Variants in ATP10B observed in about 807,000 individuals in gnomAD.
ATP10B encodes the protein phospholipid-transporting ATPase VB.
ATP10B carries 122 observed loss-of-function variants against 141.2 expected under a neutral mutation model. That is an observed-to-expected ratio of 0.86 (90% confidence interval 0.75 to 1.00). The LOEUF (loss-of-function observed/expected upper bound fraction) is 1.00. ATP10B is among the 50% of genes least tolerant of loss of function. The pLI is 0.00. For missense variants in ATP10B, 1,876 were observed against 1,825.3 expected, an observed-to-expected ratio of 1.03 and a Z score of -0.51; for synonymous variants, 685 against 692.0, an observed-to-expected ratio of 0.99 and a Z score of 0.16.
At chr5:160,858,224 C>CA in the ATP10B span, among the ~76,000 whole-genome samples, 1 of 151,778 alleles carries the variant, frequency 6.6e-6, no homozygotes, top group Non-Finnish European at 1.5e-5. Context: ...TATAATGTCT[C>CA]TGTCTCTGGT....
intron 1 of ATP10B, among the ~76,000 whole-genome samples, chr5:160,794,733 A>T (rs944414830): frequency 6.6e-6 from 1 of 152,232 alleles, no homozygotes; most frequent in African/African-American, 2.4e-5. Flanking sequence ...TGCCTTCTCC[A>T]GCCTCTTTGC....
the ATP10B span, among the ~76,000 whole-genome samples, chr5:160,913,670 T>C: frequency 2.0e-5 from 3 of 152,180 alleles, no homozygotes; most frequent in East Asian, 5.8e-4. Flanking sequence ...TGACGGCATT[T>C]AAAGAACCTC....
chr5:160,761,760 T>C (rs1212903711), intron 2 of ATP10B, among the ~76,000 whole-genome samples: 2 of 151,856 alleles, frequency 1.3e-5, no homozygotes, highest in Admixed American at 1.3e-4. Flanking sequence ...AGATAAAGAA[T>C]CCAGAAGGAT....
At chr5:160,591,016 T>A (rs534226859) in intron 23 of ATP10B, 43 bp downstream of exon 23, 83,336 of 1,535,796 alleles carry the variant, frequency 0.054, 3,350 homozygotes, top group East Asian at 0.23. Flanking sequence ...GGACCAGTTC[T>A]TCTCTGCAAT....
At chr5:160,610,730 GGTT>G (rs575960809) in intron 18 of ATP10B, among the ~76,000 whole-genome samples, 112 of 152,202 alleles carry the variant, frequency 7.4e-4, no homozygotes, top group Admixed American at 2.9e-3. Flanking sequence ...CTTCAATATA[GGTT>G]GTTAATTATT....
chr5:160,830,389 T>G (rs924700673), intron 1 of ATP10B, among the ~76,000 whole-genome samples: 2 of 152,132 alleles, frequency 1.3e-5, no homozygotes, highest in Non-Finnish European at 2.9e-5. Context: ...CTTTATGCCT[T>G]GGAAGTGAAA....
intron 18 of ATP10B, among the ~76,000 whole-genome samples, chr5:160,610,161 C>T (rs928954953): frequency 6.6e-6 from 1 of 151,928 alleles, no homozygotes; most frequent in Non-Finnish European, 1.5e-5. Context: ...GGGAATTCTG[C>T]AAAAAATGAT....
At chr5:160,912,463 G>T in the ATP10B span, among the ~76,000 whole-genome samples, 2 of 150,154 alleles carry the variant, frequency 1.3e-5, no homozygotes, top group Non-Finnish European at 3.0e-5. Context: ...GCAGGGCATG[G>T]TGGTGCACAC....
chr5:160,613,357 G>A (rs1757826759), intron 17 of ATP10B, among the ~76,000 whole-genome samples: 1 of 152,216 alleles, frequency 6.6e-6, no homozygotes, highest in Non-Finnish European at 1.5e-5. Flanking sequence ...AGAGCAAGGT[G>A]AGAGATGAGG....
At chr5:160,804,915 A>G (rs758637526) in intron 1 of ATP10B, among the ~76,000 whole-genome samples, 1 of 152,234 alleles carries the variant, frequency 6.6e-6, no homozygotes, top group Admixed American at 6.5e-5. Flanking sequence ...ATCCATTCAT[A>G]CCAAAGTCCT....
the ATP10B span, among the ~76,000 whole-genome samples, chr5:160,904,032 A>G: frequency 2.6e-3 from 395 of 152,278 alleles, 2 homozygotes; most frequent in African/African-American, 8.9e-3. Context: ...AAAAGCTTCA[A>G]CAAGCCCACC....
At chr5:160,880,745 CAA>C in the ATP10B span, among the ~76,000 whole-genome samples, 14 of 151,452 alleles carry the variant, frequency 9.2e-5, no homozygotes, top group East Asian at 2.7e-3. Context: ...ATTCACATGC[CAA>C]AAAAAATCTA....
At chr5:160,740,251 A>G (rs1338845184) in intron 2 of ATP10B, among the ~76,000 whole-genome samples, 1 of 152,254 alleles carries the variant, frequency 6.6e-6, no homozygotes, top group African/African-American at 2.4e-5. Context: ...AAGGATTTTC[A>G]AAATTAATTT....
chr5:160,639,893 G>T (rs1388530358), intron 10 of ATP10B, among the ~76,000 whole-genome samples: 1 of 152,208 alleles, frequency 6.6e-6, no homozygotes, highest in Non-Finnish European at 1.5e-5. Context: ...CCCATGTAGG[G>T]ATAATGGGAG....
At chr5:160,642,871 C>T (rs1351096231) in intron 9 of ATP10B, among the ~76,000 whole-genome samples, 1 of 152,188 alleles carries the variant, frequency 6.6e-6, no homozygotes, top group South Asian at 2.1e-4. Context: ...ATAGGCAGCC[C>T]GACTAGCTGG....
chr5:160,800,983 TC>T (rs1014925726), intron 1 of ATP10B, among the ~76,000 whole-genome samples: 6 of 152,182 alleles, frequency 3.9e-5, no homozygotes, highest in Admixed American at 3.3e-4. Context: ...TGGCTCTTGG[TC>T]CCTTTGACAT....
the ATP10B span, among the ~76,000 whole-genome samples, chr5:160,879,645 T>G: frequency 6.6e-6 from 1 of 151,986 alleles, no homozygotes; most frequent in East Asian, 1.9e-4. Flanking sequence ...GAGACCATCC[T>G]GGCCAACATA....
chr5:160,628,737 C>A (rs1280180298), intron 13 of ATP10B, among the ~76,000 whole-genome samples: 4 of 152,098 alleles, frequency 2.6e-5, no homozygotes, highest in Non-Finnish European at 5.9e-5. Flanking sequence ...CATTTTTACA[C>A]AAAGACTCTC....
At chr5:160,791,985 T>A (rs2127910198) in intron 1 of ATP10B, among the ~76,000 whole-genome samples, 1 of 152,252 alleles carries the variant, frequency 6.6e-6, no homozygotes, top group African/African-American at 2.4e-5. Context: ...GGCTCTTCTC[T>A]CCCTCTTTAC....
Sources: gnomAD v4.1 joint callset for allele counts (sites outside exome capture counted in the v4.1 genomes callset) on GRCh38, gnomAD v4.1.1 for gene constraint, MANE v1.5 for transcripts, NCBI Gene and HGNC (gene_info 2026-07-23, HGNC 2026-07-21) for gene names.